Variants in SATB2 observed in about 807,000 individuals in gnomAD.
The protein encoded by SATB2 is SATB homeobox 2, also known as DNA-binding protein SATB2.
In SATB2, 1 loss-of-function variant was observed where a neutral mutation model predicts 73.4. The ratio of observed to expected loss-of-function variants is 0.01; its 90% CI spans 0.00 to 0.06. The LOEUF (loss-of-function observed/expected upper bound fraction) is 0.06. Among genes scored for constraint, SATB2 ranks in the 10% least tolerant of loss-of-function variants. The pLI is 1.00. For missense variants in SATB2, 459 were observed against 945.8 expected (o/e 0.49, Z 6.75); for synonymous variants, 397 against 367.0 (o/e 1.08, Z -0.93).
Position 199,308,741 on chromosome 2 carries a change from G to A in SATB2, c.1740+19C>T, listed in dbSNP as rs757980261. ...ACAGAGCCCTGATCAGGTGGGGTACGGCGGTCGGGGACACTGACCTGCACC... is the reference window on the plus strand; with the variant it reads ...ACAGAGCCCTGATCAGGTGGGGTACAGCGGTCGGGGACACTGACCTGCACC... On this transcript the variant is annotated intron_variant, in intron 10 of 10. Transcript: ENST00000417098. The surrounding 1 kb of genome is among the most constrained non-coding windows in gnomAD (Gnocchi z 4.6). The A allele has an allele frequency of 1.4e-5, 23 of 1,610,166 alleles. No homozygotes were observed. Among genetic ancestry groups the A allele is most frequent in the Middle Eastern group, 3.3e-4 (2 of 6,082 alleles).
intron 10 of SATB2, among the ~76,000 whole-genome samples, chr2:199,287,445 G>C (rs547563014): frequency 2.0e-5 from 3 of 152,168 alleles, no homozygotes; most frequent in South Asian, 2.1e-4. Flanking sequence ...GATTCCTAAG[G>C]TAAAGCACCA....
At chr2:199,421,115 G>A (rs1691153965) in intron 3 of SATB2, among the ~76,000 whole-genome samples, 1 of 152,102 alleles carries the variant, frequency 6.6e-6, no homozygotes, top group Admixed American at 6.6e-5. Context: ...ACACTCAGAA[G>A]GGAGACAATC....
rs920159054 is a variant in SATB2, at chr2:199,455,405, T to C, written c.169+464A>G. Among the ~76,000 whole-genome samples the C allele has an allele frequency of 1.3e-5, 2 of 152,204 alleles. No individual in the cohort carries two copies. Among genetic ancestry groups the C allele is most frequent in the South Asian group, 2.1e-4 (1 of 4,834 alleles). On this transcript the variant is annotated intron_variant, in intron 2 of 10. Coordinates refer to ENST00000417098, the MANE Select transcript of SATB2 (RefSeq NM_001172509.2). The surrounding 1 kb of genome is among the most constrained non-coding windows in gnomAD (Gnocchi z 4.1). The stretch of plus-strand genomic sequence containing the variant: ...GGCAGGAAATATTCCCAGTTGTCAT[T>C]CATCTGTCTTGAAGCACTGTCCTCA...
chr2:199,300,348 T>C (rs1405933449), intron 10 of SATB2, among the ~76,000 whole-genome samples: 2 of 151,624 alleles, frequency 1.3e-5, no homozygotes, highest in Non-Finnish European at 2.9e-5. Context: ...AAGCATTCTG[T>C]TTAGTTTTAT....
chr2:199,321,193 C>A (rs920380209), intron 9 of SATB2, among the ~76,000 whole-genome samples: 1 of 151,684 alleles, frequency 6.6e-6, no homozygotes, highest in African/African-American at 2.4e-5. Flanking sequence ...AGGTTAAGTC[C>A]TATGATTAGT....
At chr2:199,409,114 A>G (rs1416855733) in intron 3 of SATB2, among the ~76,000 whole-genome samples, 3 of 152,034 alleles carry the variant, frequency 2.0e-5, no homozygotes. Context: ...AATAATAATT[A>G]GAAAGCTGAA....
At chr2:199,370,057 A>G (rs1475249259) in intron 5 of SATB2, among the ~76,000 whole-genome samples, 1 of 152,118 alleles carries the variant, frequency 6.6e-6, no homozygotes, top group Non-Finnish European at 1.5e-5. Flanking sequence ...CACAGAACCT[A>G]TGAGGCCTTG....
At chr2:199,312,120 G>A (rs986126195) in intron 9 of SATB2, among the ~76,000 whole-genome samples, 5 of 151,628 alleles carry the variant, frequency 3.3e-5, no homozygotes, top group Admixed American at 1.3e-4. Flanking sequence ...TGTTTCTGTC[G>A]TGCATGTTCA....
At chr2:199,303,073 C>T (rs1004577534) in intron 10 of SATB2, among the ~76,000 whole-genome samples, 8 of 152,164 alleles carry the variant, frequency 5.3e-5, no homozygotes, top group Non-Finnish European at 1.0e-4. Flanking sequence ...TCACAGCAGA[C>T]AGCTAATAGT....
chr2:199,374,286 G>A (rs560695267), intron 5 of SATB2, among the ~76,000 whole-genome samples: 10 of 152,262 alleles, frequency 6.6e-5, no homozygotes, highest in African/African-American at 1.9e-4. Flanking sequence ...ATGTCTACAC[G>A]CTAAGTAAAG....
chr2:199,307,059 T>C (rs1687452751), intron 10 of SATB2, among the ~76,000 whole-genome samples: 1 of 152,108 alleles, frequency 6.6e-6, no homozygotes, highest in South Asian at 2.1e-4. Flanking sequence ...TGGCCTTGTG[T>C]TGGTTCAAGA....
intron 10 of SATB2, among the ~76,000 whole-genome samples, chr2:199,280,341 C>T (rs531665956): frequency 6.6e-6 from 1 of 152,210 alleles, no homozygotes; most frequent in South Asian, 2.1e-4. Flanking sequence ...ATTGTGTTAA[C>T]TGCACAAATT....
rs915913550 is a variant in SATB2, at chr2:199,284,098, C to T, written c.1741-11426G>A. ...ATTTGTTGCCAATTATACCTTTTAA[C>T]CTTTCAAGCAAAAATTAGAGTTTTG... is the stretch of plus-strand genomic sequence containing the variant. On this transcript the variant is annotated intron_variant, in intron 10 of 10. Coordinates refer to ENST00000417098, the MANE Select transcript of SATB2 (RefSeq NM_001172509.2). Among the ~76,000 whole-genome samples the T allele has an allele frequency of 2.0e-5, 3 of 152,214 alleles. No individual in the cohort carries two copies. The South Asian group carries it at 6.2e-4, about 31-fold the overall frequency.
chr2:199,431,935 G>A (rs1312219147), intron 3 of SATB2, among the ~76,000 whole-genome samples: 2 of 152,194 alleles, frequency 1.3e-5, no homozygotes, highest in African/African-American at 4.8e-5. Flanking sequence ...GGAAGGGAAG[G>A]GAGATTCTTT....
At chr2:199,392,193 T>A (rs1387366377) in intron 3 of SATB2, among the ~76,000 whole-genome samples, 2 of 152,066 alleles carry the variant, frequency 1.3e-5, no homozygotes, top group Non-Finnish European at 2.9e-5. Flanking sequence ...ACTGGGAGCA[T>A]CTAGATTAAT....
chr2:199,276,957 A>G (rs966550419), intron 10 of SATB2, among the ~76,000 whole-genome samples: 3 of 152,224 alleles, frequency 2.0e-5, no homozygotes, highest in Admixed American at 6.5e-5. Context: ...AAATTGTAGT[A>G]TACTTATATA....
rs1162036056 is a variant in SATB2 at position 199,455,485 on chromosome 2, T to C, written c.169+384A>G. Among the ~76,000 whole-genome samples the C allele has an allele frequency of 2.6e-5, 4 of 152,254 alleles. No homozygotes were observed. Among genetic ancestry groups the C allele is most frequent in the African/African-American group, 9.6e-5 (4 of 41,470 alleles). On this transcript the variant is annotated intron_variant, in intron 2 of 10. Coordinates refer to ENST00000417098, the MANE Select transcript of SATB2 (RefSeq NM_001172509.2). The surrounding 1 kb of genome is among the most constrained non-coding windows in gnomAD (Gnocchi z 4.1). ...CTGTACTCGCCTGAGCATTAATGAC[T>C]ATTTTATTCCCTAAAAGCGAACGCA...
chr2:199,282,728 A>G (rs1174029365), intron 10 of SATB2, among the ~76,000 whole-genome samples: 1 of 152,208 alleles, frequency 6.6e-6, no homozygotes, highest in Non-Finnish European at 1.5e-5. Flanking sequence ...CATTTTTTCT[A>G]TCAACATGCT....
At chr2:199,469,098 G>C (rs1029712829), upstream of SATB2, among the ~76,000 whole-genome samples, 1 of 152,162 alleles carries the variant, frequency 6.6e-6, no homozygotes, top group Non-Finnish European at 1.5e-5. Flanking sequence ...CCCACATCTC[G>C]AGTCTCCAGT....
Sources: allele counts gnomAD v4.1 joint callset (sites outside exome capture counted in the v4.1 genomes callset), GRCh38; gene constraint gnomAD v4.1.1; non-coding constraint Gnocchi (gnomAD v3.1); transcripts MANE v1.5; gene names NCBI Gene and HGNC (gene_info 2026-07-23, HGNC 2026-07-21).